Variants in USP50 observed in about 807,000 individuals in gnomAD.
USP50 encodes the protein ubiquitin specific peptidase 50.
USP50 carries 37 observed loss-of-function variants against 39.2 expected under a neutral mutation model. The observed-to-expected ratio is 0.94, with a 90% CI of 0.73 to 1.24. USP50 has a LOEUF of 1.24. Ranked by LOEUF, USP50 falls within the 50% of genes most tolerant of loss-of-function variation. The probability of loss-of-function intolerance (pLI) is 0.00; values close to 1 mark genes in which losing one functional copy is unlikely to be tolerated. For synonymous variants in USP50, 139 were observed against 144.5 expected (o/e 0.96, Z 0.27); for missense variants, 374 against 398.2 (o/e 0.94, Z 0.52).
At chr15:50,541,700 A>G (rs1016229515) in intron 3 of USP50, among the ~76,000 whole-genome samples, 2 of 152,206 alleles carry the variant, frequency 1.3e-5, no homozygotes, top group African/African-American at 4.8e-5. Context: ...AGGAATGATG[A>G]CAGTCTAACT....
chr15:50,508,069 C>CAAAAAAAAAAAAAAAAAAAA (rs542709964), intron 6 of USP50: 1 of 66,724 alleles, frequency 1.5e-5, no homozygotes, highest in African/African-American at 6.3e-5. Context: ...GACTCTGTCT[C>CAAAAAAAAAAAAAAAAAAAA]AAAAAAAAAA....
chr15:50,544,651 G>T lies in USP50; in HGVS notation c.184C>A (p.Leu62Ile). ...TCCACCAGCGGCAAGATGCTGCAGA[G>T]ACACTGTGAGATGGCATTCACGCAG... is the stretch of plus-strand genomic sequence containing the variant. ...TCCVNAISQC[L>I]CSILPLVEYF... The change falls in exon 2 of 7, where the codon CTC becomes ATC. Residue 62 changes from leucine (L) to isoleucine (I), a missense_variant. Coordinates refer to ENST00000532404, the MANE Select transcript of USP50 (RefSeq NM_203494.5). 6.2e-7 allele frequency: 1 copy of T among 1,613,880 alleles called. No homozygotes were observed. The highest frequency in any genetic ancestry group is 1.1e-5 in the South Asian group (1 of 91,068).
intron 6 of USP50, chr15:50,513,244 T>C (rs2052760981): frequency 6.6e-6 from 1 of 152,176 alleles, no homozygotes; most frequent in Non-Finnish European, 1.5e-5. Flanking sequence ...CACATATATA[T>C]GCAGGAATGT....
intron 6 of USP50, among the ~76,000 whole-genome samples, chr15:50,522,317 AG>A (rs1275232108): frequency 3.3e-5 from 5 of 152,144 alleles, no homozygotes; most frequent in African/African-American, 1.2e-4. Context: ...CCCAGCTACT[AG>A]GGAAGCTGAG....
downstream of USP50, chr15:50,499,213 G>T: frequency 1.1e-6 from 1 of 884,740 alleles, no homozygotes. Context: ...TGGGAGCTGT[G>T]TTACTAGCAC....
rs375983593 is a variant in USP50 at position 50,544,634 on chromosome 15, C to A, written c.201G>T (p.Pro67=). ...TCCCGGTGAGAAAGTATTCCACCAG[C>A]GGCAAGATGCTGCAGAGACACTGTG... The part of the protein sequence containing the change: ...AISQCLCSIL[P]LVEYFLTGKY... Residue 67 remains proline (P), a synonymous_variant, in exon 2 of 7, where the codon CCG becomes CCT. Coordinates refer to ENST00000532404, the MANE Select transcript of USP50 (RefSeq NM_203494.5). 7 of 1,613,712 alleles carry A rather than the reference C, an allele frequency of 4.3e-6. No individual in the cohort carries two copies. The highest frequency in any genetic ancestry group is 1.7e-4 in the Middle Eastern group (1 of 6,056).
At chr15:50,542,066 A>G (rs1474200137) in intron 3 of USP50, among the ~76,000 whole-genome samples, 3 of 151,908 alleles carry the variant, frequency 2.0e-5, no homozygotes, top group Non-Finnish European at 4.4e-5. Context: ...AAAAAAGATA[A>G]GAGAGCAAAT....
downstream of USP50, among the ~76,000 whole-genome samples, chr15:50,495,645 C>A (rs2052367520): frequency 6.6e-6 from 1 of 152,124 alleles, no homozygotes; most frequent in Non-Finnish European, 1.5e-5. Context: ...TTCAACAAGT[C>A]ACATTCCTTC....
In USP50 at chr15:50,544,707, A is replaced by G. The variant is rs2053058197; in HGVS notation, c.128T>C (p.Val43Ala). The change falls in exon 2 of 7, where the codon GTC (valine) becomes GCC (alanine). Residue 43 changes from valine to alanine, a missense_variant. Physicochemically the swap from Val to Ala is moderately conservative, Grantham distance 64. Coordinates refer to ENST00000532404, the MANE Select transcript of USP50 (RefSeq NM_203494.5). ...ADGNQPHFQG[V>A]TGLWNLGNTC... ...GTTGCCCAAGTTCCACAAGCCAGTG[A>G]CACCCTGAAAATGGGGCTGGTTCCC... The G allele has an allele frequency of 6.2e-7, 1 of 1,613,920 alleles. No homozygotes were observed. The highest frequency in any genetic ancestry group is 8.5e-7 in the Non-Finnish European group (1 of 1,179,894).
downstream of USP50, chr15:50,493,701 T>C: frequency 2.7e-6 from 1 of 373,206 alleles, no homozygotes; most frequent in South Asian, 2.0e-5. Context: ...GCCGTGATTG[T>C]GCCGCTATAC....
At chr15:50,496,676 A>C (rs1479655892), downstream of USP50, among the ~76,000 whole-genome samples, 1 of 152,182 alleles carries the variant, frequency 6.6e-6, no homozygotes, top group African/African-American at 2.4e-5. Context: ...TTGTCTGTTG[A>C]CTAACTTAGG....
chr15:50,518,986 C>T (rs2052825751), intron 6 of USP50, among the ~76,000 whole-genome samples: 1 of 152,032 alleles, frequency 6.6e-6, no homozygotes, highest in Admixed American at 6.6e-5. Context: ...GAAATAATCC[C>T]ATTAAAAAGT....
At chr15:50,538,484 C>T (rs1438210477) in intron 5 of USP50, among the ~76,000 whole-genome samples, 1 of 151,826 alleles carries the variant, frequency 6.6e-6, no homozygotes, top group African/African-American at 2.4e-5. Flanking sequence ...GACTGTTGCA[C>T]AACATTGTGA....
chr15:50,504,807 GTC>G (rs1440527731), intron 6 of USP50: 1 of 138,254 alleles, frequency 7.2e-6, no homozygotes, highest in East Asian at 2.2e-4. Flanking sequence ...GTGAAACCCT[GTC>G]TCTATTAAAA....
intron 6 of USP50, chr15:50,502,920 G>A (rs1596002106): frequency 6.6e-6 from 1 of 152,238 alleles, no homozygotes; most frequent in South Asian, 2.1e-4. Flanking sequence ...GGCTTGTTTT[G>A]TATAGCTGTT....
rs2052893171 is a variant in USP50, at chr15:50,525,791, TATCA to T, written c.936+4002_936+4005del. ...CCCATTAATGTATAAAATTTTGATT[TATCA>T]ATTAAAAATAATATTAATGAGTTTA... is the stretch of plus-strand genomic sequence containing the variant. On this transcript the variant is annotated intron_variant, in intron 6 of 6. Coordinates refer to ENST00000532404, the MANE Select transcript of USP50 (RefSeq NM_203494.5). Among the ~76,000 whole-genome samples the T allele has an allele frequency of 3.7e-5, 4 of 108,014 alleles. No homozygotes were observed. The South Asian group carries it at 1.2e-3, about 32-fold the overall frequency. 70.9% of individuals were successfully genotyped at this position (108,014 alleles called of 152,430 possible). A position where few individuals can be genotyped will look rare whatever the true frequency, so the allele number is the denominator to read the frequency against.
intron 6 of USP50, chr15:50,506,672 A>G (rs964863663): frequency 1.3e-5 from 2 of 152,178 alleles, no homozygotes; most frequent in Non-Finnish European, 2.9e-5. Flanking sequence ...TTAAATATCC[A>G]GTTCTAGCCA....
At chr15:50,529,373 T>A (rs998092789) in intron 6 of USP50, among the ~76,000 whole-genome samples, 1 of 143,484 alleles carries the variant, frequency 7.0e-6, no homozygotes, top group African/African-American at 2.5e-5. Context: ...AAAAAATTGG[T>A]GGCACATGCC....
intron 5 of USP50, among the ~76,000 whole-genome samples, chr15:50,538,129 T>C (rs2052996842): frequency 1.3e-5 from 2 of 150,882 alleles, no homozygotes; most frequent in South Asian, 4.2e-4. Flanking sequence ...CAAAAAAAAT[T>C]AGCTGGGTGC....
Sources: allele counts gnomAD v4.1 joint callset (sites outside exome capture counted in the v4.1 genomes callset), GRCh38; gene constraint gnomAD v4.1.1; transcripts MANE v1.5; gene names NCBI Gene and HGNC (gene_info 2026-07-23, HGNC 2026-07-21).